The following SLCO3A1 variants were observed in gnomAD, a reference collection of about 807,000 sequenced individuals.
The protein encoded by SLCO3A1 is PGE1 transporter.
In SLCO3A1, 27 loss-of-function variants were observed where a neutral mutation model predicts 63.1. That is an observed-to-expected ratio of 0.43 (90% confidence interval 0.32 to 0.59). The LOEUF is 0.59. SLCO3A1 is among the 20% of genes least tolerant of loss of function. The probability of loss-of-function intolerance (pLI) is 0.09; values close to 1 mark genes in which losing one functional copy is unlikely to be tolerated. For missense variants in SLCO3A1, 773 were observed against 945.8 expected (o/e 0.82, Z 2.40); for synonymous variants, 473 against 409.9 (o/e 1.15, Z -1.86).
intron 2 of SLCO3A1, among the ~76,000 whole-genome samples, chr15:91,957,160 T>TATA (rs1491136521): frequency 8.7e-5 from 1 of 11,486 alleles, no homozygotes; most frequent in Non-Finnish European, 1.2e-4. Flanking sequence ...TATATATATA[T>TATA]TTTTTTTTTT....
In SLCO3A1 at chr15:92,033,109, T is replaced by G. The variant is rs1237735163; in HGVS notation, c.647-61772T>G. ...GATGCTATCTTATTTATATAGAATT[T>G]TAGAATTTACCAAAGAATCTCACGT... On this transcript the variant is annotated intron_variant, in intron 2 of 9. Coordinates refer to ENST00000318445, the MANE Select transcript of SLCO3A1 (RefSeq NM_013272.4). The surrounding 1 kb of genome is among the most constrained non-coding windows in gnomAD (Gnocchi z 4.5). 6.6e-6 allele frequency among the ~76,000 whole-genome samples: 1 copy of G among 152,146 alleles called. No individual in the cohort carries two copies. The highest frequency in any genetic ancestry group is 1.5e-5 in the Non-Finnish European group (1 of 68,032).
At chr15:91,999,089 G>A (rs2046223805) in intron 2 of SLCO3A1, among the ~76,000 whole-genome samples, 1 of 152,130 alleles carries the variant, frequency 6.6e-6, no homozygotes, top group African/African-American at 2.4e-5. Context: ...TAAACATTGG[G>A]TACTCGTGGA....
intron 7 of SLCO3A1, among the ~76,000 whole-genome samples, chr15:92,131,651 C>G (rs2047998936): frequency 6.9e-6 from 1 of 145,704 alleles, no homozygotes; most frequent in East Asian, 1.9e-4. Flanking sequence ...TACAAGGCCT[C>G]TCACCTCTTA....
intron 3 of SLCO3A1, among the ~76,000 whole-genome samples, chr15:92,099,575 A>G (rs530395804): frequency 1.3e-5 from 2 of 152,224 alleles, no homozygotes; most frequent in African/African-American, 4.8e-5. Flanking sequence ...TTAGTTTTAA[A>G]CTGGTTTAAC....
At chr15:92,106,790 C>T (rs568506388) in intron 4 of SLCO3A1, among the ~76,000 whole-genome samples, 60 of 152,216 alleles carry the variant, frequency 3.9e-4, no homozygotes, top group African/African-American at 1.4e-3. Context: ...AGAAATGCAG[C>T]AAAGAGGCAG....
At chr15:92,139,604 T>C (rs977960246) in intron 7 of SLCO3A1, among the ~76,000 whole-genome samples, 6 of 152,202 alleles carry the variant, frequency 3.9e-5, no homozygotes, top group Middle Eastern at 3.4e-3. Context: ...TCCATCTGGT[T>C]CTGGACTCTT....
chr15:92,122,549 G>A (rs1365708357), intron 5 of SLCO3A1, among the ~76,000 whole-genome samples: 1 of 152,226 alleles, frequency 6.6e-6, no homozygotes, highest in Non-Finnish European at 1.5e-5. Flanking sequence ...TACTTGGCCA[G>A]TGGGAATGCA....
At chr15:92,103,173 C>T (rs1004321161) in intron 3 of SLCO3A1, among the ~76,000 whole-genome samples, 5 of 152,166 alleles carry the variant, frequency 3.3e-5, no homozygotes, top group African/African-American at 1.2e-4. Context: ...AGCTGTCCAT[C>T]CATCTGGTCC....
chr15:92,004,060 G>A (rs930628614), intron 2 of SLCO3A1, among the ~76,000 whole-genome samples: 1 of 150,420 alleles, frequency 6.6e-6, no homozygotes, highest in African/African-American at 2.4e-5. Flanking sequence ...TCAGGCACTG[G>A]TTATAGGGGC....
At chr15:91,915,894 TC>T (rs1898637841) in intron 1 of SLCO3A1, 98 bp from the exon 2 acceptor site, 2 of 1,032,754 alleles carry the variant, frequency 1.9e-6, no homozygotes, top group African/African-American at 1.6e-5. Flanking sequence ...GGTGGGAGGG[TC>T]CCGGGGGGGA....
intron 2 of SLCO3A1, among the ~76,000 whole-genome samples, chr15:92,014,262 C>T (rs2046400778): frequency 6.6e-6 from 1 of 152,076 alleles, no homozygotes; most frequent in African/African-American, 2.4e-5. Context: ...GGGCAGTGGA[C>T]CACCTGCGGC....
chr15:91,855,785 A>G lies in SLCO3A1; in HGVS notation c.180+1697A>G, dbSNP rs149182364. Among the ~76,000 whole-genome samples, 779 of 152,308 alleles carry G rather than the reference A, an allele frequency of 5.1e-3. 8 individuals carry two copies. Among genetic ancestry groups the G allele is most frequent in the African/African-American group, 0.018 (745 of 41,568 alleles). On this transcript the variant is annotated intron_variant, in intron 1 of 9. Transcript: ENST00000318445. ...CTGTACTGTGACATATGCAAAGTAC[A>G]TAATACCTAACCGGGTCTATGTTTA...
At chr15:91,911,016 C>T (rs1898468167) in intron 1 of SLCO3A1, among the ~76,000 whole-genome samples, 1 of 152,206 alleles carries the variant, frequency 6.6e-6, no homozygotes, top group South Asian at 2.1e-4. Flanking sequence ...CCCTGGTTGG[C>T]ACCTTTTGAA....
intron 2 of SLCO3A1, among the ~76,000 whole-genome samples, chr15:92,000,782 T>A (rs2046244760): frequency 6.6e-6 from 1 of 152,232 alleles, no homozygotes; most frequent in Admixed American, 6.5e-5. Flanking sequence ...TGTCCCTGTG[T>A]ACCGGAAGGT....
At chr15:92,010,118 C>G (rs2046353350) in intron 2 of SLCO3A1, among the ~76,000 whole-genome samples, 1 of 152,176 alleles carries the variant, frequency 6.6e-6, no homozygotes. Flanking sequence ...CACTTAGGAT[C>G]TTTACTTTTC....
intron 1 of SLCO3A1, among the ~76,000 whole-genome samples, chr15:91,895,142 G>A: frequency 6.6e-6 from 1 of 152,138 alleles, no homozygotes; most frequent in South Asian, 2.1e-4. Context: ...ACATGAAAAA[G>A]AAGCCTTTAA....
At chr15:91,960,354 T>C (rs1227078003) in intron 2 of SLCO3A1, among the ~76,000 whole-genome samples, 1 of 152,214 alleles carries the variant, frequency 6.6e-6, no homozygotes, top group East Asian at 1.9e-4. Flanking sequence ...TTGTAATGGG[T>C]ATGGAGACAC....
At chr15:91,994,483 A>T (rs112001864) in intron 2 of SLCO3A1, among the ~76,000 whole-genome samples, 5 of 152,286 alleles carry the variant, frequency 3.3e-5, no homozygotes, top group Non-Finnish European at 7.4e-5. Context: ...TAAATGAACT[A>T]AGCAGCCTGG....
intron 2 of SLCO3A1, among the ~76,000 whole-genome samples, chr15:92,069,102 C>A (rs933185984): frequency 5.9e-5 from 8 of 136,492 alleles, no homozygotes; most frequent in African/African-American, 1.1e-4. Flanking sequence ...CCCCGCCCCC[C>A]CCCCGCCACC....
Sources: gnomAD v4.1 joint callset for allele counts (sites outside exome capture counted in the v4.1 genomes callset) on GRCh38, gnomAD v4.1.1 for gene constraint, Gnocchi (gnomAD v3.1) non-coding constraint, MANE v1.5 for transcripts, NCBI Gene and HGNC (gene_info 2026-07-23, HGNC 2026-07-21) for gene names.